Variants in SLC24A1 observed in about 807,000 individuals in gnomAD.
The protein encoded by SLC24A1 is solute carrier family 24 member 1.
In SLC24A1, 52 loss-of-function variants were observed where a neutral mutation model predicts 88.1. The observed-to-expected ratio is 0.59, with a 90% CI of 0.47 to 0.74. The LOEUF (loss-of-function observed/expected upper bound fraction) is 0.74. Among genes scored for constraint, SLC24A1 ranks in the 30% least tolerant of loss-of-function variants. The pLI is 0.00. For synonymous variants in SLC24A1, 455 were observed against 498.0 expected (o/e 0.91, Z 1.15); for missense variants, 1,173 against 1,363.3 (o/e 0.86, Z 2.20).
intron 2 of SLC24A1, among the ~76,000 whole-genome samples, chr15:65,634,401 G>A (rs1300653409): frequency 6.6e-6 from 1 of 152,138 alleles, no homozygotes; most frequent in Non-Finnish European, 1.5e-5. Flanking sequence ...CTCAGCAAGA[G>A]GCATGAAGAC....
intron 2 of SLC24A1, among the ~76,000 whole-genome samples, chr15:65,631,458 C>G (rs1250910322): frequency 6.6e-6 from 1 of 152,014 alleles, no homozygotes; most frequent in Non-Finnish European, 1.5e-5. Flanking sequence ...ATAGTGGGCC[C>G]CCTTTAGTGA....
intron 2 of SLC24A1, among the ~76,000 whole-genome samples, chr15:65,635,438 T>A (rs533589078): frequency 6.6e-4 from 65 of 98,132 alleles, no homozygotes; most frequent in Non-Finnish European, 7.5e-4. Flanking sequence ...AGAGTGAGAC[T>A]CCGTCTCCAA....
chr15:65,648,453 G>T (rs1376327262), intron 6 of SLC24A1, among the ~76,000 whole-genome samples: 1 of 151,968 alleles, frequency 6.6e-6, no homozygotes, highest in Non-Finnish European at 1.5e-5. Context: ...CCTAATCTGA[G>T]GACACTCTGA....
At chr15:65,635,452 A>G (rs1038445753) in intron 2 of SLC24A1, among the ~76,000 whole-genome samples, 3 of 142,874 alleles carry the variant, frequency 2.1e-5, no homozygotes, top group Non-Finnish European at 4.6e-5. Flanking sequence ...TCTCCAAAAA[A>G]AAAAAAAAAA....
At chr15:65,634,210 T>TA (rs565795735) in intron 2 of SLC24A1, among the ~76,000 whole-genome samples, 3 of 150,680 alleles carry the variant, frequency 2.0e-5, no homozygotes, top group South Asian at 4.2e-4. Context: ...GAATGAACGT[T>TA]AAAAAAAAAA....
upstream of SLC24A1, among the ~76,000 whole-genome samples, chr15:65,617,425 C>T (rs1179553078): frequency 6.6e-6 from 1 of 152,172 alleles, no homozygotes. Context: ...TTGTAGTTCT[C>T]CTTGAGGAGG....
chr15:65,643,524 A>G (rs2075201280), intron 4 of SLC24A1, among the ~76,000 whole-genome samples: 1 of 152,084 alleles, frequency 6.6e-6, no homozygotes, highest in Non-Finnish European at 1.5e-5. Flanking sequence ...TTTGTTCTTC[A>G]CTTGCACCAC....
intron 2 of SLC24A1, among the ~76,000 whole-genome samples, chr15:65,615,595 C>T (rs969293560): frequency 3.3e-5 from 5 of 151,866 alleles, no homozygotes; most frequent in Admixed American, 2.0e-4. Flanking sequence ...GCATGAGAAT[C>T]GCCTGAATCC....
chr15:65,642,558 C>G (rs538916627), intron 4 of SLC24A1, among the ~76,000 whole-genome samples: 50 of 152,324 alleles, frequency 3.3e-4, no homozygotes, highest in Non-Finnish European at 5.7e-4. Flanking sequence ...ACCAAGGGAG[C>G]CCTCCTGTGA....
intron 9 of SLC24A1, 132 bp from the exon 10 acceptor site, chr15:65,653,698 G>T (rs1018541444): frequency 1.7e-5 from 15 of 877,070 alleles, no homozygotes; most frequent in Non-Finnish European, 2.1e-5. Flanking sequence ...GTGAAATGGG[G>T]CTAATAATTT....
intron 2 of SLC24A1, among the ~76,000 whole-genome samples, chr15:65,613,459 T>A (rs1224809315): frequency 6.7e-6 from 1 of 148,940 alleles, no homozygotes; most frequent in African/African-American, 2.5e-5. Context: ...GAATCTTTGC[T>A]GTTAAGTTCC....
chr15:65,651,805 G>T, intron 8 of SLC24A1, 46 bp downstream of exon 8: 1 of 964,890 alleles, frequency 1.0e-6, no homozygotes, highest in South Asian at 1.3e-5. Flanking sequence ...AGGTCCCAAC[G>T]ACACTTTCCT....
chr15:65,626,398 T>C (rs1368167496), intron 2 of SLC24A1, among the ~76,000 whole-genome samples: 2 of 152,220 alleles, frequency 1.3e-5, no homozygotes, highest in Non-Finnish European at 2.9e-5. Context: ...ATCTCTTCCA[T>C]GTGCATGGCG....
intron 2 of SLC24A1, among the ~76,000 whole-genome samples, chr15:65,627,399 A>G (rs115608407): frequency 6.6e-6 from 1 of 152,292 alleles, no homozygotes; most frequent in African/African-American, 2.4e-5. Context: ...CTGAGCTTCT[A>G]TTGTGTCATT....
chr15:65,642,109 T>C (rs1022129275), intron 4 of SLC24A1, among the ~76,000 whole-genome samples: 2 of 152,204 alleles, frequency 1.3e-5, no homozygotes, highest in Non-Finnish European at 2.9e-5. Flanking sequence ...AGCCTGATTC[T>C]ACACCCTGAG....
chr15:65,655,506 A>G lies in SLC24A1; in HGVS notation c.*1427A>G, dbSNP rs550158379. On this transcript the variant is annotated 3_prime_UTR_variant, in exon 10 of 10. Coordinates refer to ENST00000261892, the MANE Select transcript of SLC24A1 (RefSeq NM_004727.3). ...TTTATGTGGAATTTGATGAGTTTGT[A>G]TATTAAATACCACTGCTTGCTGCTT... is the stretch of plus-strand genomic sequence containing the variant. 2 of 985,386 alleles carry G rather than the reference A, an allele frequency of 2.0e-6. No homozygotes were observed. Among genetic ancestry groups the G allele is most frequent in the South Asian group, 9.4e-5 (2 of 21,290 alleles). 61.0% of individuals were successfully genotyped at this position (985,386 alleles called of 1,614,324 possible). A position where few individuals can be genotyped will look rare whatever the true frequency, so the allele number is the denominator to read the frequency against.
chr15:65,645,762 C>A, intron 6 of SLC24A1, 59 bp downstream of exon 6: 1 of 1,125,724 alleles, frequency 8.9e-7, no homozygotes, highest in Non-Finnish European at 1.3e-6. Flanking sequence ...GAACTCTTGA[C>A]CAAAAATACA....
chr15:65,652,567 C>A, intron 8 of SLC24A1, 75 bp from the exon 9 acceptor site: 4 of 1,421,606 alleles, frequency 2.8e-6, no homozygotes, highest in Non-Finnish European at 3.9e-6. Flanking sequence ...AGTCTGTTTG[C>A]ACAAAGTAGG....
chr15:65,635,588 C>G (rs1318821885), intron 2 of SLC24A1, among the ~76,000 whole-genome samples: 2 of 151,572 alleles, frequency 1.3e-5, no homozygotes, highest in African/African-American at 4.9e-5. Flanking sequence ...AGGTGTGTCA[C>G]AAAAGAGTTG....
Sources: allele counts gnomAD v4.1 joint callset (sites outside exome capture counted in the v4.1 genomes callset), GRCh38; gene constraint gnomAD v4.1.1; transcripts MANE v1.5; gene names NCBI Gene and HGNC (gene_info 2026-07-23, HGNC 2026-07-21).